The following ZNF804B variants were observed in gnomAD, a reference collection of about 807,000 sequenced individuals.
ZNF804B encodes the protein zinc finger protein 804B, also known as zinc finger 804B.
ZNF804B carries 80 observed loss-of-function variants against 101.4 expected under a neutral mutation model. The ratio of observed to expected loss-of-function variants is 0.79; its 90% confidence interval spans 0.66 to 0.95. The LOEUF is 0.95. Among genes scored for constraint, ZNF804B ranks in the 40% least tolerant of loss-of-function variants. The pLI, the probability that ZNF804B is intolerant of heterozygous loss-of-function variation, is 0.00. For missense variants in ZNF804B, 1,673 were observed against 1,561.9 expected, an observed-to-expected ratio of 1.07 and a Z score of -1.20; for synonymous variants, 622 against 558.8, an observed-to-expected ratio of 1.11 and a Z score of -1.59.
At chr7:89,329,384 G>A (rs1017735322) in intron 3 of ZNF804B, among the ~76,000 whole-genome samples, 5 of 151,662 alleles carry the variant, frequency 3.3e-5, no homozygotes, top group Non-Finnish European at 5.9e-5. Flanking sequence ...TATTTTAGTA[G>A]GTGAATTGAC....
chr7:89,215,381 T>C (rs1788873958), intron 1 of ZNF804B, among the ~76,000 whole-genome samples: 1 of 152,158 alleles, frequency 6.6e-6, no homozygotes, highest in African/African-American at 2.4e-5. Flanking sequence ...AAACATTCAC[T>C]CTTGACCATT....
At chr7:89,181,438 A>G (rs918123509) in intron 1 of ZNF804B, among the ~76,000 whole-genome samples, 12 of 152,210 alleles carry the variant, frequency 7.9e-5, no homozygotes, top group African/African-American at 2.9e-4. Context: ...GTGCAGGCCA[A>G]ATTATGCCTT....
At chr7:89,181,253 G>A (rs567972887) in intron 1 of ZNF804B, among the ~76,000 whole-genome samples, 1 of 152,134 alleles carries the variant, frequency 6.6e-6, no homozygotes, top group East Asian at 1.9e-4. Flanking sequence ...GCCCAGCATG[G>A]CACCAGGACT....
rs185907835 is a variant in ZNF804B at position 88,786,913 on chromosome 7, G to A, written c.108+26829G>A. Among the ~76,000 whole-genome samples the A allele has an allele frequency of 1.9e-3, 296 of 152,178 alleles. 1 individual carries two copies. Among genetic ancestry groups the A allele is most frequent in the African/African-American group, 6.8e-3 (284 of 41,556 alleles). Reference sequence around the variant, plus strand: ...AATATACAAATGAAAAAAGGCCATGGCAATTGTTTACAAGTTGCTGGCAGG... The same window carrying A: ...AATATACAAATGAAAAAAGGCCATGACAATTGTTTACAAGTTGCTGGCAGG... On this transcript the variant is annotated intron_variant, in intron 1 of 3. Coordinates refer to ENST00000333190, the MANE Select transcript of ZNF804B (RefSeq NM_181646.5).
chr7:89,176,394 A>G (rs1288500496), intron 1 of ZNF804B, among the ~76,000 whole-genome samples: 1 of 152,032 alleles, frequency 6.6e-6, no homozygotes, highest in Non-Finnish European at 1.5e-5. Context: ...GATGTAGCAC[A>G]TTGACTGACT....
intron 2 of ZNF804B, among the ~76,000 whole-genome samples, chr7:89,228,791 A>G (rs1273555513): frequency 6.6e-6 from 1 of 152,126 alleles, no homozygotes; most frequent in African/African-American, 2.4e-5. Context: ...TGGGTGGTCG[A>G]TGGGACTGGG....
chr7:88,948,066 A>G (rs750829965), intron 1 of ZNF804B, among the ~76,000 whole-genome samples: 50 of 152,034 alleles, frequency 3.3e-4, no homozygotes, highest in Admixed American at 3.1e-3. Context: ...TGCAAGGACA[A>G]TACTACCTGC....
intron 1 of ZNF804B, among the ~76,000 whole-genome samples, chr7:89,106,218 G>T (rs1437838798): frequency 1.3e-5 from 2 of 152,138 alleles, no homozygotes; most frequent in African/African-American, 4.8e-5. Flanking sequence ...TGAATTCAAA[G>T]AAAATTTCAA....
chr7:88,921,492 A>G (rs1179776387), intron 1 of ZNF804B, among the ~76,000 whole-genome samples: 2 of 152,150 alleles, frequency 1.3e-5, no homozygotes, highest in Non-Finnish European at 1.5e-5. Flanking sequence ...TGTACAAATA[A>G]TTACATAGCT....
chr7:89,113,967 G>T (rs1409720215), intron 1 of ZNF804B, among the ~76,000 whole-genome samples: 2 of 151,420 alleles, frequency 1.3e-5, no homozygotes, highest in African/African-American at 2.4e-5. Context: ...TAATTAAAAG[G>T]AATTTCCTTC....
chr7:88,949,850 G>A (rs1793190912), intron 1 of ZNF804B, among the ~76,000 whole-genome samples: 1 of 151,902 alleles, frequency 6.6e-6, no homozygotes, highest in South Asian at 2.1e-4. Flanking sequence ...ACAGTAACAT[G>A]CTGTACAGGT....
chr7:89,202,744 T>G (rs1273881916), intron 1 of ZNF804B, among the ~76,000 whole-genome samples: 1 of 152,092 alleles, frequency 6.6e-6, no homozygotes, highest in Admixed American at 6.6e-5. Flanking sequence ...GGACTTGAAT[T>G]CTCATTCCAG....
At chr7:88,894,332 G>T (rs1792255391) in intron 1 of ZNF804B, among the ~76,000 whole-genome samples, 1 of 151,768 alleles carries the variant, frequency 6.6e-6, no homozygotes, top group African/African-American at 2.4e-5. Flanking sequence ...TCCTGCCTCA[G>T]CCTCCCAAGT....
At chr7:88,994,471 C>A (rs1793891964) in intron 1 of ZNF804B, among the ~76,000 whole-genome samples, 1 of 151,946 alleles carries the variant, frequency 6.6e-6, no homozygotes, top group African/African-American at 2.4e-5. Context: ...AAAACAAATG[C>A]CAAAAACTGA....
At chr7:89,011,272 G>T (rs956113079) in intron 1 of ZNF804B, among the ~76,000 whole-genome samples, 2 of 152,118 alleles carry the variant, frequency 1.3e-5, no homozygotes, top group African/African-American at 4.8e-5. Flanking sequence ...TCCTGCCCTT[G>T]ACACATGGGA....
At chr7:88,941,593 T>G (rs778830861) in intron 1 of ZNF804B, among the ~76,000 whole-genome samples, 1 of 151,942 alleles carries the variant, frequency 6.6e-6, no homozygotes, top group Non-Finnish European at 1.5e-5. Context: ...GATCAGTGGT[T>G]GTTAGGGATT....
intron 1 of ZNF804B, among the ~76,000 whole-genome samples, chr7:89,197,155 C>T (rs1458853046): frequency 1.3e-5 from 2 of 151,824 alleles, no homozygotes; most frequent in Non-Finnish European, 1.5e-5. Context: ...CTGTGTCACA[C>T]ATTTACCTAT....
At position 89,211,440 on chromosome 7, in the gene ZNF804B, G is replaced by A. The variant is rs115096987; in HGVS notation, c.109-6715G>A. ...CAATTTCATCATGAAATCTTTGCCT[G>A]TGCCTGTGTCTTGAATGCTATTGCC... On this transcript the variant is annotated intron_variant, in intron 1 of 3. Transcript: ENST00000333190. Among the ~76,000 whole-genome samples, 466 of 152,182 alleles carry A rather than the reference G, an allele frequency of 3.1e-3. 5 individuals carry two copies. Among genetic ancestry groups the A allele is most frequent in the African/African-American group, 0.01 (432 of 41,528 alleles).
intron 2 of ZNF804B, among the ~76,000 whole-genome samples, chr7:89,255,896 G>T (rs926595695): frequency 1.3e-5 from 2 of 152,078 alleles, no homozygotes; most frequent in South Asian, 4.1e-4. Context: ...TAGGCATTTT[G>T]CAGAGGGGGT....
Sources: gnomAD v4.1 joint callset for allele counts (sites outside exome capture counted in the v4.1 genomes callset) on GRCh38, gnomAD v4.1.1 for gene constraint, MANE v1.5 for transcripts, NCBI Gene and HGNC (gene_info 2026-07-23, HGNC 2026-07-21) for gene names.